HERC1: variants seen among roughly 807,000 people sequenced by gnomAD.
HERC1 encodes probable E3 ubiquitin-protein ligase HERC1.
Under a neutral mutation model 554.3 loss-of-function variants are expected in HERC1, and 160 were observed. That is an observed-to-expected ratio of 0.29 (90% CI 0.25 to 0.33). HERC1 has a LOEUF of 0.33. HERC1 is among the 10% of genes least tolerant of loss of function. The probability of loss-of-function intolerance (pLI) is 1.00; values close to 1 mark genes in which losing one functional copy is unlikely to be tolerated. For synonymous variants in HERC1, 2,175 were observed against 2,131.7 expected, an observed-to-expected ratio of 1.02 and a Z score of -0.56; for missense variants, 4,919 against 5,918.5, an observed-to-expected ratio of 0.83 and a Z score of 5.54.
chr15:63,618,085 C>T (rs1322627409), intron 74 of HERC1, among the ~76,000 whole-genome samples: 2 of 152,060 alleles, frequency 1.3e-5, no homozygotes, highest in African/African-American at 4.8e-5. Context: ...TTGCCCATGC[C>T]TATGTCCTGA....
rs913063956 is a variant in HERC1, at chr15:63,654,445, C to T, written c.10085-121G>A. 8 of 695,244 alleles carry T rather than the reference C, an allele frequency of 1.2e-5. No homozygotes were observed. The African/African-American group carries it at 1.3e-4, about 11-fold the overall frequency. The allele number at this position is 695,244 out of a possible 1,614,324, so 43.1% of individuals were successfully genotyped here. On this transcript the variant is annotated intron_variant, in intron 50 of 77. Transcript: ENST00000443617. ...GTGGTGAACAAGCAAATGGGTTAACCCATATCTTTTAAGAATTGGCACTTT... is the reference window on the plus strand; with the variant it reads ...GTGGTGAACAAGCAAATGGGTTAACTCATATCTTTTAAGAATTGGCACTTT...
At position 63,656,109 on chromosome 15, in the gene HERC1, C is replaced by G. The variant is rs745573803; in HGVS notation, c.9849G>C (p.Leu3283=). ...LASNAPSAAK[L]LVQLCTQNLI... ...TTACCTGTGTACACAACTGTACAAG[C>G]AGTTTGGCAGCACTAGGAGCATTTG... The change falls in exon 49 of 78, where the codon CTG becomes CTC. Residue 3283 remains leucine, a synonymous_variant. Transcript: ENST00000443617. The G allele has an allele frequency of 6.2e-7, 1 of 1,612,784 alleles. No individual in the cohort carries two copies. Among genetic ancestry groups the G allele is most frequent in the Non-Finnish European group, 8.5e-7 (1 of 1,179,308 alleles).
chr15:63,700,773 C>T lies in HERC1; in HGVS notation c.4637-1777G>A, dbSNP rs78907238. Among the ~76,000 whole-genome samples, 168 of 144,778 alleles carry T rather than the reference C, an allele frequency of 1.2e-3. 1 individual carries two copies. Among genetic ancestry groups the T allele is most frequent in the African/African-American group, 4.2e-3 (166 of 39,964 alleles). 95.0% of individuals were successfully genotyped at this position (144,778 alleles called of 152,430 possible). The stretch of plus-strand genomic sequence containing the variant: ...GCTGAACATGAAAAATAACAACCTA[C>T]CTAAAAATTTCCCCAAATTGTAGAC... On this transcript the variant is annotated intron_variant, in intron 25 of 77. Transcript: ENST00000443617.
At position 63,803,280 on chromosome 15, in the gene HERC1, C is replaced by G. The variant is rs142531455; in HGVS notation, c.-26-27631G>C. 4.6e-3 allele frequency among the ~76,000 whole-genome samples: 702 copies of G among 152,282 alleles called. 1 individual carries two copies. Among genetic ancestry groups the G allele is most frequent in the Non-Finnish European group, 8.0e-3 (546 of 68,014 alleles). On this transcript the variant is annotated intron_variant, in intron 1 of 77. Coordinates refer to ENST00000443617, the MANE Select transcript of HERC1 (RefSeq NM_003922.4). ...TTTTCCAGGAAGGGAAGTGGAGGTA[C>G]AGAGAGGCTAAATAGCCCAAGGTCA...
intron 1 of HERC1, among the ~76,000 whole-genome samples, chr15:63,820,421 G>A (rs1017060043): frequency 2.0e-5 from 3 of 152,078 alleles, no homozygotes; most frequent in African/African-American, 4.8e-5. Flanking sequence ...AACGGCCCAC[G>A]ATGCTTCTAA....
At chr15:63,649,503 T>C (rs1199147156) in intron 54 of HERC1, among the ~76,000 whole-genome samples, 2 of 152,224 alleles carry the variant, frequency 1.3e-5, no homozygotes, top group Non-Finnish European at 2.9e-5. Flanking sequence ...TTACTAATGT[T>C]ATAATACTAT....
At chr15:63,747,399 G>A (rs1216773291) in intron 11 of HERC1, among the ~76,000 whole-genome samples, 1 of 152,054 alleles carries the variant, frequency 6.6e-6, no homozygotes, top group African/African-American at 2.4e-5. Context: ...GGCAGAGGCT[G>A]CAGTGAACTG....
At chr15:63,752,650 G>C (rs1400086602) in intron 8 of HERC1, 3 of 191,908 alleles carry the variant, frequency 1.6e-5, no homozygotes, top group African/African-American at 7.0e-5. Flanking sequence ...ATCTAGTTCA[G>C]CTTTCCCCGA....
At chr15:63,777,753 G>A (rs569702597) in intron 1 of HERC1, among the ~76,000 whole-genome samples, 16 of 152,016 alleles carry the variant, frequency 1.1e-4, no homozygotes, top group Admixed American at 1.3e-4. Context: ...ATCCCTGCCC[G>A]ACTCTCACAC....
chr15:63,833,654 G>T (rs561401610), intron 1 of HERC1, among the ~76,000 whole-genome samples, 173 bp downstream of exon 1: 81 of 151,824 alleles, frequency 5.3e-4, no homozygotes, highest in African/African-American at 1.9e-3. Flanking sequence ...CCCCCAGCTC[G>T]CCTGCCGCCC....
rs6494419 is a variant in HERC1, at chr15:63,651,707, T to G, written c.10419-327A>C. 0.81 allele frequency among the ~76,000 whole-genome samples: 123,883 copies of G among 152,174 alleles called. 52,298 individuals are homozygous for G. The highest frequency in any genetic ancestry group is 0.88 in the Non-Finnish European group (59,574 of 68,004). On this transcript the variant is annotated intron_variant, in intron 52 of 77. Transcript: ENST00000443617. ...TCTTATTTGCCTAAACTCTTGGGAA[T>G]ACTTCAGAAAAGAAATAGCTACAGC...
chr15:63,729,648 T>C lies in HERC1; in HGVS notation c.2870A>G (p.Asp957Gly), dbSNP rs1181673537. 1 of 1,613,386 alleles carries C rather than the reference T, an allele frequency of 6.2e-7. No homozygotes were observed. The highest frequency in any genetic ancestry group is 8.5e-7 in the Non-Finnish European group (1 of 1,179,578). Residue 957 changes from aspartate (D) to glycine (G), a missense_variant and splice_region_variant, in exon 15 of 78, where the codon GAT becomes GGT. Physicochemically the swap from Asp to Gly is moderately conservative, Grantham distance 94. Coordinates refer to ENST00000443617, the MANE Select transcript of HERC1 (RefSeq NM_003922.4). ...CTTTTCTAGCTCTCCAAATGCTTGA[T>C]CCTAAAATGACACACAAAGGAAGTT... ...TLLRNLGFYT[D>G]QAFGELEKNS...
intron 69 of HERC1, 39 bp downstream of exon 69, chr15:63,630,427 C>T: frequency 1.3e-6 from 2 of 1,584,086 alleles, no homozygotes; most frequent in Non-Finnish European, 1.7e-6. Context: ...TGTGAGATTT[C>T]TAGAATATGA....
At chr15:63,833,685 C>T (rs2078237458) in intron 1 of HERC1, 142 bp downstream of exon 1, 1 of 152,432 alleles carries the variant, frequency 6.6e-6, no homozygotes, top group African/African-American at 2.4e-5. Flanking sequence ...CCAGCAGCCC[C>T]GCTCGGCTGC....
intron 1 of HERC1, among the ~76,000 whole-genome samples, chr15:63,787,747 T>A (rs563609521): frequency 1.5e-4 from 23 of 151,888 alleles, no homozygotes; most frequent in Admixed American, 4.6e-4. Context: ...CAAGACTCCA[T>A]CTCTTTTTAA....
rs145406028 is a variant in HERC1 at position 63,674,373 on chromosome 15, C to T, written c.7815G>A (p.Leu2605=). 19,816 of 1,610,894 alleles carry T rather than the reference C, an allele frequency of 0.012. 172 individuals carry two copies. The highest frequency in any genetic ancestry group is 0.023 in the Middle Eastern group (140 of 6,052). Reference sequence around the variant, plus strand: ...TAATTTTGCCCCCAAACTGGTCTTCCAAAAGCCCATGAACCACTAATTTAT... The same window carrying T: ...TAATTTTGCCCCCAAACTGGTCTTCTAAAAGCCCATGAACCACTAATTTAT... ...MIYKLVVHGL[L]EDQFGGKIKQ... The change falls in exon 38 of 78, where the codon TTG becomes TTA. Residue 2605 remains leucine, a synonymous_variant. Coordinates refer to ENST00000443617, the MANE Select transcript of HERC1 (RefSeq NM_003922.4).
At chr15:63,759,532 T>C (rs746775221) in intron 3 of HERC1, among the ~76,000 whole-genome samples, 2 of 152,240 alleles carry the variant, frequency 1.3e-5, no homozygotes, top group Non-Finnish European at 2.9e-5. Flanking sequence ...GAAGATGCCC[T>C]TATCTTAACT....
In HERC1 at chr15:63,625,996, G is replaced by C; in HGVS notation, c.13264C>G (p.Pro4422Ala). 1.2e-6 allele frequency: 2 copies of C among 1,609,384 alleles called. No individual in the cohort carries two copies. The highest frequency in any genetic ancestry group is 2.2e-5 in the South Asian group (2 of 89,994). ...CGCCAGTCTGTTACCTGGTTGTTGG[G>C]GCTAAGGTTCAGCAGTCTCCAGGAT... ...YSSWRLLNLS[P>A]NNQNSTSHYN... is the part of the protein sequence containing the mutation. Residue 4422 changes from proline to alanine, a missense_variant, in exon 71 of 78, where the codon CCC (proline) becomes GCC (alanine). This residue lies in a region of HERC1 where 410 missense variants were observed against 467.0 expected (regional missense o/e 0.88). Coordinates refer to ENST00000443617, the MANE Select transcript of HERC1 (RefSeq NM_003922.4).
intron 72 of HERC1, 63 bp from the exon 73 acceptor site, chr15:63,623,953 A>G (rs746681629): frequency 5.5e-5 from 85 of 1,539,292 alleles, no homozygotes; most frequent in Non-Finnish European, 6.9e-5. Context: ...AAATCACATG[A>G]TATCTTCCCA....
Sources: gnomAD v4.1 joint callset for allele counts (sites outside exome capture counted in the v4.1 genomes callset) on GRCh38, gnomAD v4.1.1 for gene constraint, gnomAD v4.1.1 regional missense constraint, MANE v1.5 for transcripts, NCBI Gene and HGNC (gene_info 2026-07-23, HGNC 2026-07-21) for gene names.